WNT5A: variants seen among roughly 807,000 people sequenced by gnomAD.
WNT5A encodes Wnt family member 5A, also known as protein Wnt-5a.
In WNT5A, 9 loss-of-function variants were observed where a neutral mutation model predicts 42.1. The observed-to-expected ratio is 0.21, with a 90% confidence interval of 0.13 to 0.37. The LOEUF (loss-of-function observed/expected upper bound fraction) is 0.37, where lower values mean the gene tolerates loss of function less well. Among genes scored for constraint, WNT5A ranks in the 10% least tolerant of loss-of-function variants. WNT5A has a pLI of 1.00. For missense variants in WNT5A, 426 were observed against 534.0 expected (o/e 0.80, Z 1.99); for synonymous variants, 210 against 210.0 (o/e 1.00, Z 0.00).
chr3:55,485,475 A>G (rs2051559990), intron 1 of WNT5A, among the ~76,000 whole-genome samples: 1 of 151,842 alleles, frequency 6.6e-6, no homozygotes, highest in African/African-American at 2.4e-5. Flanking sequence ...TGGACCCGAG[A>G]ACAACTCCCC....
At chr3:55,495,119 T>C (rs1238638797), upstream of WNT5A, among the ~76,000 whole-genome samples, 1 of 152,268 alleles carries the variant, frequency 6.6e-6, no homozygotes, top group African/African-American at 2.4e-5. Context: ...ACATGTATAC[T>C]TTGTGAAAAG....
chr3:55,479,657 C>T, intron 2 of WNT5A, 93 bp from the exon 3 acceptor site: 1 of 1,443,138 alleles, frequency 6.9e-7, no homozygotes, highest in East Asian at 2.3e-5. Flanking sequence ...TTTAAGCACA[C>T]AGATGCTTTT....
chr3:55,484,354 G>A (rs569350868), intron 1 of WNT5A, among the ~76,000 whole-genome samples: 43 of 152,206 alleles, frequency 2.8e-4, no homozygotes, highest in Non-Finnish European at 5.4e-4. Flanking sequence ...GCCGGCCCAG[G>A]CGGGTAGGAG....
chr3:55,499,905 G>T, the WNT5A span, among the ~76,000 whole-genome samples: 1 of 151,502 alleles, frequency 6.6e-6, no homozygotes, highest in Non-Finnish European at 1.5e-5. Flanking sequence ...AACCCAGGAG[G>T]CAGAGTCTGC....
At chr3:55,485,740 T>C (rs971333427) in intron 1 of WNT5A, among the ~76,000 whole-genome samples, 6 of 151,970 alleles carry the variant, frequency 3.9e-5, no homozygotes, top group African/African-American at 1.5e-4. Flanking sequence ...GAATTACCCA[T>C]TTAAAGAGAG....
chr3:55,487,087 G>A lies in WNT5A; in HGVS notation c.-102C>T. On this transcript the variant is annotated 5_prime_UTR_variant, in exon 1 of 5. Coordinates refer to ENST00000264634, the MANE Select transcript of WNT5A (RefSeq NM_003392.7). ...GTTAAGCCTGGGGGGACGGTCAGGA[G>A]CAGGGCTGCGGAGTCCTCCGGCGCG... is the stretch of plus-strand genomic sequence containing the variant. 9.5e-7 allele frequency: 1 copy of A among 1,052,668 alleles called. No homozygotes were observed. The highest frequency in any genetic ancestry group is 1.5e-5 in the South Asian group (1 of 67,874). The allele number at this position is 1,052,668 out of a possible 1,614,324, so 65.2% of individuals were successfully genotyped here.
At position 55,480,872 on chromosome 3, in the gene WNT5A, C is replaced by G. The variant is rs1389369896; in HGVS notation, c.53G>C (p.Gly18Ala). 1.9e-6 allele frequency: 3 copies of G among 1,588,862 alleles called. No individual in the cohort carries two copies. Among genetic ancestry groups the G allele is most frequent in the Non-Finnish European group, 2.6e-6 (3 of 1,166,438 alleles). ...LSPGVALGMA[G>A]SAMSSKFFLV... is the part of the protein sequence containing the mutation. The stretch of plus-strand genomic sequence containing the variant: ...GAAGAACTTGGAAGACATTGCACTT[C>G]CAGCCATCCCCAAAGCAACTCCTGG... Residue 18 changes from glycine (G) to alanine (A), a missense_variant, in exon 2 of 5, where the codon GGA becomes GCA. Gly to Ala is a moderately conservative substitution (Grantham distance 60, BLOSUM62 0). This residue lies in a region of WNT5A where 62 missense variants were observed against 49.0 expected (regional missense o/e 1.26). Coordinates refer to ENST00000264634, the MANE Select transcript of WNT5A (RefSeq NM_003392.7).
chr3:55,474,225 A>G lies in WNT5A; in HGVS notation c.684+112T>C, dbSNP rs2051304247. ...AGCAGAGAGATAGAGACAGGACCAT[A>G]TAGCAAAGGAGTGGCAGAGGAGAGG... On this transcript the variant is annotated intron_variant, in intron 4 of 4. Transcript: ENST00000264634. 3 of 1,354,526 alleles carry G rather than the reference A, an allele frequency of 2.2e-6. No individual in the cohort carries two copies. The South Asian group carries it at 3.9e-5, about 17-fold the overall frequency. The allele number at this position is 1,354,526 out of a possible 1,614,324, so 83.9% of individuals were successfully genotyped here. A position where few individuals can be genotyped will look rare whatever the true frequency, so the allele number is the denominator to read the frequency against.
the WNT5A span, among the ~76,000 whole-genome samples, chr3:55,504,197 A>C: frequency 2.0e-5 from 3 of 152,176 alleles, no homozygotes; most frequent in Non-Finnish European, 4.4e-5. Context: ...TGAGCCTGGG[A>C]GGCGGAGGTT....
the WNT5A span, among the ~76,000 whole-genome samples, chr3:55,499,848 G>A: frequency 4.6e-5 from 7 of 152,028 alleles, no homozygotes; most frequent in East Asian, 1.9e-4. Context: ...GGTGGCATGC[G>A]CCTGTAGTCC....
rs1280851148 is a variant in WNT5A, at chr3:55,479,376, T to A, written c.329A>T (p.His110Leu). ...CACAGTGCTGCAGTTCCACCTTCGA[T>A]GTCGGAATTGATACTGGCATTCTTT... The part of the protein sequence containing the change: ...GIKECQYQFR[H>L]RRWNCSTVDN... Residue 110 changes from histidine to leucine, a missense_variant, in exon 3 of 5, where the codon CAT (histidine) becomes CTT (leucine). Transcript: ENST00000264634. The A allele has an allele frequency of 1.9e-6, 3 of 1,613,814 alleles. No individual in the cohort carries two copies.
chr3:55,471,456 C>T (rs769760512), intron 4 of WNT5A, among the ~76,000 whole-genome samples: 1 of 152,222 alleles, frequency 6.6e-6, no homozygotes, highest in Non-Finnish European at 1.5e-5. Context: ...CCTTTCCGGG[C>T]CTCTGTTTTC....
chr3:55,504,347 C>T, the WNT5A span, among the ~76,000 whole-genome samples: 2 of 152,010 alleles, frequency 1.3e-5, no homozygotes, highest in East Asian at 1.9e-4. Context: ...CCCCAAAAAA[C>T]AAAAACAAAC....
rs2051139672 is a variant in WNT5A at position 55,466,179 on chromosome 3, T to G, written c.*3913A>C. On this transcript the variant is annotated 3_prime_UTR_variant, in exon 5 of 5. Coordinates refer to ENST00000264634, the MANE Select transcript of WNT5A (RefSeq NM_003392.7). ...GAGAGAGAAAAGACTAGAAAATACT[T>G]TAAAAAAAATAAATATTTTAAAAGT... 6.6e-6 allele frequency: 1 copy of G among 152,148 alleles called. No homozygotes were observed. Among genetic ancestry groups the G allele is most frequent in the Non-Finnish European group, 1.5e-5 (1 of 68,026 alleles). The allele number at this position is 152,148 out of a possible 1,614,324, so 9.4% of individuals were successfully genotyped here.
chr3:55,487,091 G>C lies in WNT5A; in HGVS notation c.-106C>G. On this transcript the variant is annotated 5_prime_UTR_variant, in exon 1 of 5. Transcript: ENST00000264634. ...AGCCTGGGGGGACGGTCAGGAGCAG[G>C]GCTGCGGAGTCCTCCGGCGCGCGTC... The C allele has an allele frequency of 2.0e-6, 2 of 976,260 alleles. No individual in the cohort carries two copies. The highest frequency in any genetic ancestry group is 3.1e-6 in the Non-Finnish European group (2 of 651,022). 60.5% of individuals were successfully genotyped at this position (976,260 alleles called of 1,614,324 possible).
At chr3:55,492,404 A>G (rs1238605775), upstream of WNT5A, among the ~76,000 whole-genome samples, 1 of 152,124 alleles carries the variant, frequency 6.6e-6, no homozygotes, top group Non-Finnish European at 1.5e-5. Context: ...ATAGGAAACA[A>G]ATATATTAGG....
chr3:55,472,693 TAG>T (rs1238736995), intron 4 of WNT5A, among the ~76,000 whole-genome samples: 1 of 152,156 alleles, frequency 6.6e-6, no homozygotes, highest in African/African-American at 2.4e-5. Context: ...CAAAATTCTG[TAG>T]AGTTTAGTCC....
the WNT5A span, among the ~76,000 whole-genome samples, chr3:55,501,944 G>A: frequency 6.6e-6 from 1 of 152,202 alleles, no homozygotes; most frequent in Non-Finnish European, 1.5e-5. Flanking sequence ...TTTGGGGCAA[G>A]GTGAGGTTTT....
chr3:55,479,688 T>A lies in WNT5A; in HGVS notation c.141-124A>T, dbSNP rs1047825957. 1.5e-5 allele frequency: 20 copies of A among 1,313,712 alleles called. No homozygotes were observed. In the African/African-American group the frequency reaches 2.9e-4, roughly 19 times the overall value. 81.4% of individuals were successfully genotyped at this position (1,313,712 alleles called of 1,614,324 possible). A position where few individuals can be genotyped will look rare whatever the true frequency, so the allele number is the denominator to read the frequency against. ...CTTTTTTCTCTCCTGCTTGTCCTCA[T>A]GACAAAGTATGAGAAGGGCTTCATA... On this transcript the variant is annotated intron_variant, in intron 2 of 4. Transcript: ENST00000264634.
Sources: allele counts gnomAD v4.1 joint callset (sites outside exome capture counted in the v4.1 genomes callset), GRCh38; gene constraint gnomAD v4.1.1; regional missense constraint gnomAD v4.1.1; transcripts MANE v1.5; gene names NCBI Gene and HGNC (gene_info 2026-07-23, HGNC 2026-07-21).